Variants in OPALIN observed in about 807,000 individuals in gnomAD.
OPALIN encodes the protein oligodendrocytic myelin paranodal and inner loop protein, also known as transmembrane protein 10.
In OPALIN, 15 loss-of-function variants were observed where a neutral mutation model predicts 17.8. That is an observed-to-expected ratio of 0.84 (90% CI 0.56 to 1.29). The LOEUF (loss-of-function observed/expected upper bound fraction) is 1.29, where lower values mean the gene tolerates loss of function less well. OPALIN is among the 50% of genes most tolerant of loss of function. The pLI is 0.00. For synonymous variants in OPALIN, 62 were observed against 63.8 expected (o/e 0.97, Z 0.14); for missense variants, 170 against 176.0 (o/e 0.97, Z 0.19).
chr10:96,351,317 G>T, intron 3 of OPALIN, 61 bp downstream of exon 3: 1 of 1,014,272 alleles, frequency 9.9e-7, no homozygotes, highest in Non-Finnish European at 1.5e-6. Flanking sequence ...CAAAACAAAT[G>T]CTCAAGATGG....
intron 1 of OPALIN, among the ~76,000 whole-genome samples, chr10:96,357,692 A>G (rs1845874306): frequency 6.6e-6 from 1 of 152,138 alleles, no homozygotes; most frequent in Non-Finnish European, 1.5e-5. Context: ...CCAAACTGTA[A>G]AACACCCTCT....
intron 5 of OPALIN, among the ~76,000 whole-genome samples, chr10:96,347,055 GCTTTT>G: frequency 6.6e-6 from 1 of 151,134 alleles, no homozygotes; most frequent in African/African-American, 2.4e-5. Flanking sequence ...TGTAGATTTA[GCTTTT>G]CTTTTCTTTC....
Position 96,345,914 on chromosome 10 carries a change from G to C in OPALIN, c.*27C>G. ...GGTTTTCAACCCTGTTCCAGTGCCA[G>C]GTCTGCTGCTCCTTGACTGAGCTGC... On this transcript the variant is annotated 3_prime_UTR_variant, in exon 6 of 6. Coordinates refer to ENST00000371172, the MANE Select transcript of OPALIN (RefSeq NM_033207.5). The C allele has an allele frequency of 6.2e-7, 1 of 1,603,146 alleles. No individual in the cohort carries two copies. The highest frequency in any genetic ancestry group is 8.5e-7 in the Non-Finnish European group (1 of 1,174,890).
At chr10:96,347,472 T>G (rs1250946539) in intron 5 of OPALIN, among the ~76,000 whole-genome samples, 1 of 151,912 alleles carries the variant, frequency 6.6e-6, no homozygotes, top group Non-Finnish European at 1.5e-5. Context: ...AGTGTTACAC[T>G]TTCTAATTTT....
At chr10:96,354,188 T>C (rs935402936) in intron 2 of OPALIN, among the ~76,000 whole-genome samples, 3 of 152,098 alleles carry the variant, frequency 2.0e-5, no homozygotes, top group African/African-American at 4.8e-5. Context: ...ACTGATCAGA[T>C]AACAACCTTG....
chr10:96,353,447 C>T, intron 2 of OPALIN: 1 of 1,612,916 alleles, frequency 6.2e-7, no homozygotes, highest in Non-Finnish European at 8.5e-7. Flanking sequence ...GATGACCTAC[C>T]ATCCGCATTG....
chr10:96,351,892 C>A (rs1280799866), intron 2 of OPALIN, among the ~76,000 whole-genome samples: 1 of 152,182 alleles, frequency 6.6e-6, no homozygotes, highest in Non-Finnish European at 1.5e-5. Flanking sequence ...GAATGCATTA[C>A]ATGTTTCTGG....
chr10:96,347,132 C>T (rs1845367007), intron 5 of OPALIN, among the ~76,000 whole-genome samples: 1 of 151,528 alleles, frequency 6.6e-6, no homozygotes, highest in Admixed American at 6.6e-5. Context: ...ACTCTTGTCC[C>T]CCAGGCTGGA....
At chr10:96,352,453 T>G (rs1845625155) in intron 2 of OPALIN, among the ~76,000 whole-genome samples, 2 of 152,220 alleles carry the variant, frequency 1.3e-5, no homozygotes, top group Non-Finnish European at 2.9e-5. Context: ...CCAGACCTCT[T>G]TCCCAGAGAG....
Position 96,349,743 on chromosome 10 carries a change from C to G in OPALIN, c.156G>C (p.Leu52Phe). 1 of 1,613,944 alleles carries G rather than the reference C, an allele frequency of 6.2e-7. No individual in the cohort carries two copies. Among genetic ancestry groups the G allele is most frequent in the Non-Finnish European group, 8.5e-7 (1 of 1,179,946 alleles). ...CAATGCTGCTTCTTCTTCGGTGAAT[C>G]AAAGTAAATAGTAAAGCCACCAGCA... Reference protein sequence around the residue: ...TALLVALLFTLIHRRRSSIEA... With the variant: ...TALLVALLFTFIHRRRSSIEA... Residue 52 changes from leucine to phenylalanine, a missense_variant, in exon 4 of 6, where the codon TTG becomes TTC. Coordinates refer to ENST00000371172, the MANE Select transcript of OPALIN (RefSeq NM_033207.5).
At position 96,358,796 on chromosome 10, in the gene OPALIN, A is replaced by G. The variant is rs547281782; in HGVS notation, c.3+98T>C. 95 of 1,227,386 alleles carry G rather than the reference A, an allele frequency of 7.7e-5. No homozygotes were observed. In the South Asian group the frequency reaches 1.1e-3, roughly 14 times the overall value. The allele number at this position is 1,227,386 out of a possible 1,614,324, so 76.0% of individuals were successfully genotyped here. A position where few individuals can be genotyped will look rare whatever the true frequency, so the allele number is the denominator to read the frequency against. On this transcript the variant is annotated intron_variant, in intron 1 of 5. Coordinates refer to ENST00000371172, the MANE Select transcript of OPALIN (RefSeq NM_033207.5). ...TGCATATAGGAAAATAATTTAAAAT[A>G]AAGTCCCTTTACTTCATTGTACATT...
rs865776430 is a variant in OPALIN at position 96,343,653 on chromosome 10, T to G, written c.*2288A>C. 1 of 152,346 alleles carries G rather than the reference T, an allele frequency of 6.6e-6. No individual in the cohort carries two copies. The allele number at this position is 152,346 out of a possible 1,614,324, so 9.4% of individuals were successfully genotyped here. A position where few individuals can be genotyped will look rare whatever the true frequency, so the allele number is the denominator to read the frequency against. ...GGAGAAGTACAAGCACCAGGATGAC[T>G]GGGAATGTCTGTTTAAAAATGGCTA... On this transcript the variant is annotated 3_prime_UTR_variant, in exon 6 of 6. Coordinates refer to ENST00000371172, the MANE Select transcript of OPALIN (RefSeq NM_033207.5).
intron 5 of OPALIN, among the ~76,000 whole-genome samples, chr10:96,347,229 G>A (rs1290662009): frequency 6.6e-6 from 1 of 151,488 alleles, no homozygotes; most frequent in Non-Finnish European, 1.5e-5. Context: ...GAAGTAGCTG[G>A]GATTACAGGC....
chr10:96,354,239 G>A (rs571910507), intron 2 of OPALIN, among the ~76,000 whole-genome samples: 5 of 152,108 alleles, frequency 3.3e-5, no homozygotes, highest in South Asian at 2.1e-4. Flanking sequence ...AACAGAAGAC[G>A]GAGGATCAGC....
chr10:96,347,145 G>A (rs917332668), intron 5 of OPALIN, among the ~76,000 whole-genome samples: 9 of 151,180 alleles, frequency 6.0e-5, no homozygotes, highest in African/African-American at 2.0e-4. Context: ...AGGCTGGAGT[G>A]TGATGGTGTG....
intron 3 of OPALIN, 99 bp from the exon 4 acceptor site, chr10:96,349,925 G>A: frequency 7.8e-7 from 1 of 1,285,524 alleles, no homozygotes; most frequent in Non-Finnish European, 1.0e-6. Context: ...AAATCTGCAT[G>A]GATCATAAAC....
chr10:96,356,838 A>C, intron 1 of OPALIN: 14 of 971,206 alleles, frequency 1.4e-5, no homozygotes, highest in Non-Finnish European at 1.5e-5. Flanking sequence ...CGCATTTTAT[A>C]GAGAATAACC....
intron 1 of OPALIN, chr10:96,357,197 A>G (rs1488240437): frequency 1.0e-6 from 1 of 981,908 alleles, no homozygotes; most frequent in Non-Finnish European, 1.2e-6. Context: ...ATCAGTGGGC[A>G]CTGAGGACTG....
intron 1 of OPALIN, 49 bp downstream of exon 1, chr10:96,358,845 T>A: frequency 6.2e-7 from 1 of 1,600,118 alleles, no homozygotes. Context: ...AGGTTTTTTA[T>A]AGTAAGAAAT....
Sources: gnomAD v4.1 joint callset for allele counts (sites outside exome capture counted in the v4.1 genomes callset) on GRCh38, gnomAD v4.1.1 for gene constraint, MANE v1.5 for transcripts, NCBI Gene and HGNC (gene_info 2026-07-23, HGNC 2026-07-21) for gene names.